LTBP1: variants seen among roughly 807,000 people sequenced by gnomAD.
LTBP1 encodes the protein latent-transforming growth factor beta-binding protein 1.
LTBP1 carries 129 observed loss-of-function variants against 207.6 expected under a neutral mutation model. That is an observed-to-expected ratio of 0.62 (90% confidence interval 0.54 to 0.72). The LOEUF is 0.72. Ranked by LOEUF, LTBP1 falls within the 30% of genes least tolerant of loss-of-function variation. The pLI, the probability that LTBP1 is intolerant of heterozygous loss-of-function variation, is 0.00. For missense variants in LTBP1, 2,281 were observed against 2,217.2 expected (o/e 1.03, Z -0.58); for synonymous variants, 963 against 833.7 (o/e 1.16, Z -2.67).
intron 22 of LTBP1, among the ~76,000 whole-genome samples, chr2:33,302,567 G>C (rs1270977147): frequency 6.6e-6 from 1 of 152,144 alleles, no homozygotes; most frequent in Non-Finnish European, 1.5e-5. Context: ...CTTGGCAGAA[G>C]CAGTCACAAG....
intron 3 of LTBP1, among the ~76,000 whole-genome samples, chr2:33,074,818 C>T (rs1164467033): frequency 1.4e-4 from 21 of 147,880 alleles, no homozygotes; most frequent in South Asian, 2.1e-4. Context: ...TGCAGTCAGC[C>T]GAGATCGCAC....
chr2:33,004,816 A>ATATATATATATATAG (rs1558501569), intron 2 of LTBP1, among the ~76,000 whole-genome samples: 72 of 72,044 alleles, frequency 1.0e-3, no homozygotes, highest in African/African-American at 2.7e-3. Flanking sequence ...TATATATATA[A>ATATATATATATATAG]ACATAAAATT....
chr2:33,170,435 C>T (rs1008062439), intron 5 of LTBP1, among the ~76,000 whole-genome samples: 12 of 151,978 alleles, frequency 7.9e-5, no homozygotes, highest in African/African-American at 1.7e-4. Flanking sequence ...ACTGCAAGGC[C>T]GCGGCCAGGC....
chr2:33,262,760 G>T lies in LTBP1; in HGVS notation c.2457G>T (p.Glu819Asp), dbSNP rs199682211. The change falls in exon 14 of 34, where the codon GAG becomes GAT. Residue 819 changes from glutamate to aspartate, a missense_variant. This residue lies in a region of LTBP1 where 1,671 missense variants were observed against 1,634.8 expected (regional missense o/e 1.02). Transcript: ENST00000404816. ...TGGATCAAGAGAAAACCAAACTTGA[G>T]CCTGGTCAACCCCAGCTGTCTCCAG... ...PSLDQEKTKLEPGQPQLSPGI... is the reference protein window; with the variant it reads ...PSLDQEKTKLDPGQPQLSPGI... 6 of 1,604,538 alleles carry T rather than the reference G, an allele frequency of 3.7e-6. No homozygotes were observed. The South Asian group carries it at 6.7e-5, about 18-fold the overall frequency.
intron 2 of LTBP1, among the ~76,000 whole-genome samples, chr2:33,004,028 T>C (rs890323199): frequency 3.9e-5 from 6 of 152,150 alleles, no homozygotes; most frequent in Non-Finnish European, 5.9e-5. Flanking sequence ...TGAAAAGCCC[T>C]TGTTTTCCTT....
chr2:33,104,573 A>G lies in LTBP1; in HGVS notation c.864-6009A>G, dbSNP rs554059920. On this transcript the variant is annotated intron_variant, in intron 3 of 33. Transcript: ENST00000404816. The stretch of plus-strand genomic sequence containing the variant: ...TCCTAGAAACTTTCTTCCACTTACC[A>G]TTTTTGAACTGACTCGATCCTTGTT... Among the ~76,000 whole-genome samples, 7 of 151,926 alleles carry G rather than the reference A, an allele frequency of 4.6e-5. No homozygotes were observed. In the East Asian group the frequency reaches 5.8e-4, roughly 13 times the overall value.
chr2:33,286,137 C>T (rs2093661222), intron 19 of LTBP1, among the ~76,000 whole-genome samples: 1 of 152,126 alleles, frequency 6.6e-6, no homozygotes. Context: ...GAACTTGAGA[C>T]CCGGTAACAC....
chr2:33,071,535 G>C (rs2077787883), intron 3 of LTBP1, among the ~76,000 whole-genome samples: 2 of 152,178 alleles, frequency 1.3e-5, no homozygotes, highest in Admixed American at 1.3e-4. Flanking sequence ...CTGCAGAATG[G>C]ATTTTGGAGC....
At chr2:33,229,306 CA>C (rs923268824) in intron 9 of LTBP1, among the ~76,000 whole-genome samples, 2 of 151,140 alleles carry the variant, frequency 1.3e-5, no homozygotes, top group Non-Finnish European at 3.0e-5. Context: ...CCTGTCTCTA[CA>C]AAAAAAATAA....
intron 15 of LTBP1, among the ~76,000 whole-genome samples, chr2:33,268,533 T>TGA (rs1022858553): frequency 2.1e-4 from 32 of 152,344 alleles, no homozygotes; most frequent in Non-Finnish European, 3.5e-4. Flanking sequence ...GAAATACGTG[T>TGA]GATGTTTTCC....
chr2:33,051,342 A>C (rs1034920387), intron 3 of LTBP1, among the ~76,000 whole-genome samples: 1 of 152,122 alleles, frequency 6.6e-6, no homozygotes, highest in African/African-American at 2.4e-5. Context: ...ACTTGAGTCC[A>C]GGAGTTTGAG....
chr2:33,111,962 G>T (rs964714658), intron 4 of LTBP1, among the ~76,000 whole-genome samples: 1 of 152,038 alleles, frequency 6.6e-6, no homozygotes, highest in Non-Finnish European at 1.5e-5. Flanking sequence ...TTAAAGAGCC[G>T]TTTCTCTTAA....
intron 2 of LTBP1, among the ~76,000 whole-genome samples, chr2:32,980,285 G>A (rs762681189): frequency 1.3e-5 from 2 of 151,898 alleles, no homozygotes; most frequent in Non-Finnish European, 2.9e-5. Context: ...TTGGTATGTT[G>A]TAATTTCTCA....
chr2:33,389,236 T>C lies in LTBP1; in HGVS notation c.4764T>C (p.Tyr1588=), dbSNP rs2095294392. 6.2e-7 allele frequency: 1 copy of C among 1,614,194 alleles called. No individual in the cohort carries two copies. Among genetic ancestry groups the C allele is most frequent in the Non-Finnish European group, 8.5e-7 (1 of 1,180,036 alleles). The part of the protein sequence containing the change: ...NIPVTGRRQP[Y]GRDALVDFSE... Reference sequence around the variant, plus strand: ...CCGTGACGGGACGCCGGCAGCCATATGGACGGGACGCCTTGGTTGACTTCA... The same window carrying C: ...CCGTGACGGGACGCCGGCAGCCATACGGACGGGACGCCTTGGTTGACTTCA... Residue 1588 remains tyrosine (Y), a synonymous_variant, in exon 32 of 34, where the codon TAT becomes TAC. Transcript: ENST00000404816.
intron 3 of LTBP1, among the ~76,000 whole-genome samples, chr2:33,023,209 TTA>T (rs992769322): frequency 1.3e-5 from 2 of 152,226 alleles, no homozygotes; most frequent in African/African-American, 2.4e-5. Flanking sequence ...TGAATTGCAA[TTA>T]GTTTTTTCTA....
intron 2 of LTBP1, among the ~76,000 whole-genome samples, chr2:33,000,715 A>G (rs1340107712): frequency 7.5e-6 from 1 of 133,742 alleles, no homozygotes; most frequent in Admixed American, 7.7e-5. Context: ...TGTTGAGGTT[A>G]ATAGGGGTTC....
intron 5 of LTBP1, among the ~76,000 whole-genome samples, chr2:33,163,289 T>C (rs78215502): frequency 0.015 from 2,334 of 152,334 alleles, 23 homozygotes; most frequent in East Asian, 0.027. Flanking sequence ...TTTAAGAGGC[T>C]TTAAATTGTC....
At chr2:33,348,259 C>G (rs1214674322) in intron 26 of LTBP1, among the ~76,000 whole-genome samples, 3 of 152,146 alleles carry the variant, frequency 2.0e-5, no homozygotes, top group African/African-American at 7.2e-5. Flanking sequence ...ATAGCTTTCA[C>G]TACTCCTCTG....
chr2:33,086,521 G>A (rs529764154), intron 3 of LTBP1, among the ~76,000 whole-genome samples: 42 of 152,280 alleles, frequency 2.8e-4, no homozygotes, highest in African/African-American at 1.0e-3. Context: ...TTGTGGTTAT[G>A]GCGACATACA....
Sources: gnomAD v4.1 joint callset for allele counts (sites outside exome capture counted in the v4.1 genomes callset) on GRCh38, gnomAD v4.1.1 for gene constraint, gnomAD v4.1.1 regional missense constraint, MANE v1.5 for transcripts, NCBI Gene and HGNC (gene_info 2026-07-23, HGNC 2026-07-21) for gene names.